TOX3: variants seen among roughly 807,000 people sequenced by gnomAD.
TOX3 encodes the protein TOX high mobility group box family member 3.
In TOX3, 22 loss-of-function variants were observed where a neutral mutation model predicts 64.3. That is an observed-to-expected ratio of 0.34 (90% confidence interval 0.24 to 0.49). The LOEUF (loss-of-function observed/expected upper bound fraction) is 0.49. TOX3 is among the 20% of genes least tolerant of loss of function. TOX3 has a pLI of 0.99. For synonymous variants in TOX3, 291 were observed against 273.6 expected (o/e 1.06, Z -0.63); for missense variants, 661 against 714.4 (o/e 0.93, Z 0.85).
chr16:52,515,396 G>A (rs540526537), intron 1 of TOX3, among the ~76,000 whole-genome samples: 2 of 152,038 alleles, frequency 1.3e-5, no homozygotes, highest in Non-Finnish European at 2.9e-5. Context: ...TTAAGCTGCA[G>A]AACAAATCAT....
intron 3 of TOX3, among the ~76,000 whole-genome samples, chr16:52,458,260 A>G (rs1347250505): frequency 6.6e-6 from 1 of 152,172 alleles, no homozygotes; most frequent in Non-Finnish European, 1.5e-5. Flanking sequence ...CAGGGACGAC[A>G]CCAAACAGAC....
At chr16:52,476,236 T>C (rs1259177698) in intron 1 of TOX3, among the ~76,000 whole-genome samples, 4 of 152,148 alleles carry the variant, frequency 2.6e-5, no homozygotes, top group African/African-American at 9.7e-5. Flanking sequence ...CTTCAACAAG[T>C]TCTGTGGACC....
Position 52,450,397 on chromosome 16 carries a change from C to T in TOX3, c.558G>A (p.Leu186=), listed in dbSNP as rs749645660. 4 of 1,613,918 alleles carry T rather than the reference C, an allele frequency of 2.5e-6. No individual in the cohort carries two copies. Among genetic ancestry groups the T allele is most frequent in the Non-Finnish European group, 3.4e-6 (4 of 1,179,870 alleles). ...TINQSQLSAQ[L]GLNLGGASMP... ...TACTGGCACCTCCCAAATTCAACCC[C>T]AACTGGGCGCTGAGCTGAGACTGGT... The change falls in exon 4 of 7, where the codon TTG becomes TTA. Residue 186 remains leucine (L), a synonymous_variant. Transcript: ENST00000219746.
At chr16:52,480,592 C>T (rs1287215602) in intron 1 of TOX3, among the ~76,000 whole-genome samples, 4 of 152,148 alleles carry the variant, frequency 2.6e-5, no homozygotes, top group Non-Finnish European at 5.9e-5. Context: ...AACCTTTTAA[C>T]GAATTACAAA....
In TOX3 at chr16:52,469,355, G is replaced by A. The variant is rs952537353; in HGVS notation, c.88-781C>T. Among the ~76,000 whole-genome samples the A allele has an allele frequency of 2.6e-5, 4 of 152,102 alleles. No homozygotes were observed. The East Asian group carries it at 5.8e-4, about 22-fold the overall frequency. On this transcript the variant is annotated intron_variant, in intron 1 of 6. Transcript: ENST00000219746. Reference sequence around the variant, plus strand: ...TATCAAAACGTAAAACTTGGATTTTGGCAGAAATGTATTTTCAGGTTCAAA... The same window carrying A: ...TATCAAAACGTAAAACTTGGATTTTAGCAGAAATGTATTTTCAGGTTCAAA...
chr16:52,454,943 T>C lies in TOX3; in HGVS notation c.409-4397A>G, dbSNP rs562937720. ...GACACAATAAGGAAATGTATAACTA[T>C]GAATATAGCCCAGAGAAATTTAATG... is the stretch of plus-strand genomic sequence containing the variant. On this transcript the variant is annotated intron_variant, in intron 3 of 6. Coordinates refer to ENST00000219746, the MANE Select transcript of TOX3 (RefSeq NM_001080430.4). 3.9e-5 allele frequency among the ~76,000 whole-genome samples: 6 copies of C among 152,296 alleles called. No individual in the cohort carries two copies. In the South Asian group the frequency reaches 1.0e-3, roughly 26 times the overall value.
rs771946027 is a variant in TOX3 at position 52,464,155 on chromosome 16, C to T, written c.187G>A (p.Glu63Lys). 6.3e-7 allele frequency: 1 copy of T among 1,575,884 alleles called. No homozygotes were observed. The highest frequency in any genetic ancestry group is 1.2e-5 in the South Asian group (1 of 84,630). Reference protein sequence around the residue: ...TFHTPSLGDEEFEIPPITPPP... With the variant: ...TFHTPSLGDEKFEIPPITPPP... ...GGCGTGATTGGTGGAATTTCGAATT[C>T]CTCGTCCCCAAGGCTTGGTGTGTGG... The change falls in exon 3 of 7, where the codon GAA (glutamate) becomes AAA (lysine). Residue 63 changes from glutamate to lysine, a missense_variant. Transcript: ENST00000219746.
In TOX3 at chr16:52,516,173, A is replaced by G. The variant is rs1330842406; in HGVS notation, c.87+30464T>C. ...AAATGGTAATGAATATTAATACCTA[A>G]GAAAATCAATCAAAGATTAACATTA... On this transcript the variant is annotated intron_variant, in intron 1 of 6. Coordinates refer to ENST00000219746, the MANE Select transcript of TOX3 (RefSeq NM_001080430.4). Among the ~76,000 whole-genome samples, 4 of 152,340 alleles carry G rather than the reference A, an allele frequency of 2.6e-5. No individual in the cohort carries two copies. The East Asian group carries it at 7.7e-4, about 29-fold the overall frequency.
intron 1 of TOX3, among the ~76,000 whole-genome samples, chr16:52,476,088 C>T (rs1961199115): frequency 6.6e-6 from 1 of 152,172 alleles, no homozygotes; most frequent in African/African-American, 2.4e-5. Context: ...TTACAATCTC[C>T]TCTCACTTTC....
At chr16:52,525,960 C>T (rs1962719422) in intron 1 of TOX3, among the ~76,000 whole-genome samples, 1 of 152,156 alleles carries the variant, frequency 6.6e-6, no homozygotes, top group Admixed American at 6.5e-5. Context: ...CTAGATCTTC[C>T]AGAATTGGCT....
At chr16:52,489,076 C>CA in intron 1 of TOX3, among the ~76,000 whole-genome samples, 1 of 152,076 alleles carries the variant, frequency 6.6e-6, no homozygotes, top group East Asian at 1.9e-4. Flanking sequence ...CAAATCATCC[C>CA]TTTTTTTTCC....
chr16:52,535,905 T>TA (rs1962935292), intron 1 of TOX3, among the ~76,000 whole-genome samples: 1 of 152,236 alleles, frequency 6.6e-6, no homozygotes, highest in Non-Finnish European at 1.5e-5. Flanking sequence ...CTAATAGGGA[T>TA]CATCACAACT....
chr16:52,524,548 A>C (rs1567350565), intron 1 of TOX3, among the ~76,000 whole-genome samples: 1 of 152,228 alleles, frequency 6.6e-6, no homozygotes, highest in Non-Finnish European at 1.5e-5. Flanking sequence ...TCACTGAACA[A>C]GACATAAAGC....
chr16:52,509,126 C>G (rs1962235856), intron 1 of TOX3, among the ~76,000 whole-genome samples: 1 of 152,080 alleles, frequency 6.6e-6, no homozygotes, highest in Non-Finnish European at 1.5e-5. Context: ...GGAATTATAA[C>G]TATACTGGAA....
At position 52,443,548 on chromosome 16, in the gene TOX3, T is replaced by A. The variant is rs557151607; in HGVS notation, c.987+728A>T. On this transcript the variant is annotated intron_variant, in intron 6 of 6. Transcript: ENST00000219746. ...CAGCAACAGTGACAATGAAATTGTA[T>A]CCCTACTTGTCAGAAAAAATTTGTC... Among the ~76,000 whole-genome samples the A allele has an allele frequency of 6.6e-5, 10 of 152,322 alleles. No homozygotes were observed. In the East Asian group the frequency reaches 1.9e-3, roughly 29 times the overall value.
intron 1 of TOX3, among the ~76,000 whole-genome samples, chr16:52,474,484 G>A (rs562658406): frequency 6.6e-6 from 1 of 152,142 alleles, no homozygotes; most frequent in East Asian, 1.9e-4. Context: ...AGGCATGTTG[G>A]CACATGCCTG....
chr16:52,459,797 G>A (rs533813527), intron 3 of TOX3, among the ~76,000 whole-genome samples: 24 of 152,114 alleles, frequency 1.6e-4, no homozygotes, highest in African/African-American at 5.8e-4. Context: ...TTGAAAGTCT[G>A]CTATTTCTCT....
chr16:52,499,351 T>C (rs1961942867), intron 1 of TOX3, among the ~76,000 whole-genome samples: 1 of 152,240 alleles, frequency 6.6e-6, no homozygotes, highest in Non-Finnish European at 1.5e-5. Flanking sequence ...CTTTTGTTTT[T>C]CTTCGTGGCA....
intron 1 of TOX3, among the ~76,000 whole-genome samples, chr16:52,487,011 GA>G (rs1418141042): frequency 6.6e-6 from 1 of 152,120 alleles, no homozygotes; most frequent in African/African-American, 2.4e-5. Context: ...GTTCTAAGGG[GA>G]AAAATAATAA....
Sources: gnomAD v4.1 joint callset for allele counts (sites outside exome capture counted in the v4.1 genomes callset) on GRCh38, gnomAD v4.1.1 for gene constraint, MANE v1.5 for transcripts, NCBI Gene and HGNC (gene_info 2026-07-23, HGNC 2026-07-21) for gene names.